The following SEC23B variants were observed in gnomAD, a reference collection of about 807,000 sequenced individuals.
SEC23B encodes the protein SEC23 homolog B, COPII component, also known as protein transport protein Sec23B.
SEC23B carries 77 observed loss-of-function variants against 104.3 expected under a neutral mutation model. The observed-to-expected ratio is 0.74, with a 90% CI of 0.61 to 0.89. The LOEUF (loss-of-function observed/expected upper bound fraction) is 0.89, where lower values mean the gene tolerates loss of function less well. SEC23B is among the 40% of genes least tolerant of loss of function. SEC23B has a pLI of 0.00. For synonymous variants in SEC23B, 338 were observed against 332.5 expected, an observed-to-expected ratio of 1.02 and a Z score of -0.18; for missense variants, 885 against 949.4, an observed-to-expected ratio of 0.93 and a Z score of 0.89.
intron 4 of SEC23B, among the ~76,000 whole-genome samples, chr20:18,519,631 C>T (rs1328399224): frequency 6.6e-6 from 1 of 152,004 alleles, no homozygotes; most frequent in East Asian, 1.9e-4. Context: ...GTTAGGGAGA[C>T]TAGTGTGGGG....
intron 15 of SEC23B, 106 bp from the exon 16 acceptor site, chr20:18,548,503 C>G (rs2060355158): frequency 8.8e-7 from 1 of 1,142,678 alleles, no homozygotes; most frequent in Non-Finnish European, 1.3e-6. Flanking sequence ...CCAGAGAGCC[C>G]TTTTCTGGGT....
intron 4 of SEC23B, among the ~76,000 whole-genome samples, chr20:18,522,658 C>T (rs534084474): frequency 5.5e-4 from 83 of 151,660 alleles, no homozygotes; most frequent in African/African-American, 1.8e-3. Flanking sequence ...CTCACGTGTC[C>T]GTGTGAAGAA....
intron 4 of SEC23B, 83 bp from the exon 5 acceptor site, chr20:18,524,350 A>G: frequency 1.0e-6 from 1 of 978,300 alleles, no homozygotes; most frequent in Non-Finnish European, 1.7e-6. Flanking sequence ...AAGACTTACA[A>G]TTTTCATACC....
intron 18 of SEC23B, 33 bp downstream of exon 18, chr20:18,554,423 G>C (rs1284887128): frequency 1.2e-6 from 2 of 1,613,036 alleles, no homozygotes; most frequent in Admixed American, 3.3e-5. Flanking sequence ...CCAGTGGTTT[G>C]TTCGTTTTAT....
rs2059976789 is a variant in SEC23B at position 18,510,975 on chromosome 20, A to T, written c.140A>T (p.Glu47Val). Residue 47 changes from glutamate (E) to valine (V), a missense_variant, in exon 2 of 20, where the codon GAA becomes GTA. Transcript: ENST00000650089. ...PLACLLTPLK[E>V]RPDLPPVQYE... ...GCTTGTCTCCTTACTCCTTTGAAAGAACGTCCAGACCTACCTCCTGTACAA... is the reference window on the plus strand; with the variant it reads ...GCTTGTCTCCTTACTCCTTTGAAAGTACGTCCAGACCTACCTCCTGTACAA... 2 of 1,614,054 alleles carry T rather than the reference A, an allele frequency of 1.2e-6. No homozygotes were observed. Among genetic ancestry groups the T allele is most frequent in the Non-Finnish European group, 1.7e-6 (2 of 1,180,038 alleles).
intron 17 of SEC23B, 152 bp downstream of exon 17, chr20:18,551,327 T>C: frequency 5.0e-6 from 3 of 604,446 alleles, no homozygotes. Flanking sequence ...TTAATGACAT[T>C]TGTAACCACA....
intron 12 of SEC23B, among the ~76,000 whole-genome samples, chr20:18,538,959 A>G (rs1478669091): frequency 3.3e-5 from 5 of 151,706 alleles, no homozygotes; most frequent in Non-Finnish European, 7.4e-5. Context: ...TAATCCCAGC[A>G]TTTTGGGAGA....
chr20:18,558,162 A>G (rs2122189599), intron 19 of SEC23B, among the ~76,000 whole-genome samples: 1 of 152,278 alleles, frequency 6.6e-6, no homozygotes, highest in South Asian at 2.1e-4. Flanking sequence ...TTCTCTGCAT[A>G]TAGGATTCTG....
chr20:18,530,538 T>G, intron 9 of SEC23B, 142 bp from the exon 10 acceptor site: 1 of 975,114 alleles, frequency 1.0e-6, no homozygotes, highest in Non-Finnish European at 1.4e-6. Context: ...CCTGGCCTGT[T>G]TTTTTATATT....
At chr20:18,550,218 G>A (rs915859255) in intron 16 of SEC23B, among the ~76,000 whole-genome samples, 1 of 149,950 alleles carries the variant, frequency 6.7e-6, no homozygotes, top group African/African-American at 2.5e-5. Flanking sequence ...ACAGTTGTGC[G>A]ATCTTGGCTC....
chr20:18,543,909 C>T (rs1032715826), intron 14 of SEC23B, among the ~76,000 whole-genome samples: 9 of 152,194 alleles, frequency 5.9e-5, no homozygotes, highest in Non-Finnish European at 1.3e-4. Flanking sequence ...TGCAGGGATG[C>T]TGCTTAGCTG....
intron 17 of SEC23B, among the ~76,000 whole-genome samples, chr20:18,553,099 T>G (rs1188289238): frequency 6.6e-6 from 1 of 152,262 alleles, no homozygotes. Flanking sequence ...TTGCAACCCC[T>G]GATCCTGTTC....
intron 10 of SEC23B, among the ~76,000 whole-genome samples, chr20:18,531,828 T>C (rs1453553558): frequency 5.3e-5 from 8 of 151,902 alleles, no homozygotes; most frequent in Admixed American, 5.2e-4. Flanking sequence ...GGTGGGGTGA[T>C]TGCATGAGCT....
chr20:18,520,592 G>A (rs2060073981), intron 4 of SEC23B, among the ~76,000 whole-genome samples: 1 of 152,052 alleles, frequency 6.6e-6, no homozygotes, highest in South Asian at 2.1e-4. Context: ...GGGCAGGTGA[G>A]GATAACTAAA....
chr20:18,540,847 A>C (rs1363116024), intron 12 of SEC23B, among the ~76,000 whole-genome samples: 4 of 152,170 alleles, frequency 2.6e-5, no homozygotes, highest in Non-Finnish European at 4.4e-5. Flanking sequence ...CAGAGCAAGA[A>C]CCTGTCTTAG....
chr20:18,545,536 C>T (rs1455193641), intron 14 of SEC23B, among the ~76,000 whole-genome samples: 2 of 152,136 alleles, frequency 1.3e-5, no homozygotes, highest in East Asian at 1.9e-4. Context: ...GAAGAGAAAA[C>T]ATTGTGGTTC....
rs547660457 is a variant in SEC23B, at chr20:18,557,135, G to C, written c.2214+1962G>C. On this transcript the variant is annotated intron_variant, in intron 19 of 19. Transcript: ENST00000650089. ...ATTAATGATATGTTAGGGCTTAAGT[G>C]TGCCATTTTATTTTTTGTTTTCTGC... Among the ~76,000 whole-genome samples, 5 of 152,270 alleles carry C rather than the reference G, an allele frequency of 3.3e-5. No homozygotes were observed. The East Asian group carries it at 9.6e-4, about 29-fold the overall frequency.
Position 18,552,900 on chromosome 20 carries a change from TA to T in SEC23B, c.1993-1332del, listed in dbSNP as rs1367953062. Among the ~76,000 whole-genome samples, 12 of 152,324 alleles carry T rather than the reference TA, an allele frequency of 7.9e-5. No homozygotes were observed. The East Asian group carries it at 2.3e-3, about 29-fold the overall frequency. On this transcript the variant is annotated intron_variant, in intron 17 of 19. Coordinates refer to ENST00000650089, the MANE Select transcript of SEC23B (RefSeq NM_006363.6). ...TATTATAAGTAATCTAAAGATGATT[TA>T]AAGTGTATGGGAAGATGTACATCGG...
intron 1 of SEC23B, 81 bp from the exon 2 acceptor site, chr20:18,510,741 T>C (rs552687471): frequency 4.2e-5 from 45 of 1,068,214 alleles, no homozygotes; most frequent in Middle Eastern, 5.8e-4. Flanking sequence ...AGAAACACTG[T>C]GTTACATGAC....
Sources: gnomAD v4.1 joint callset for allele counts (sites outside exome capture counted in the v4.1 genomes callset) on GRCh38, gnomAD v4.1.1 for gene constraint, MANE v1.5 for transcripts, NCBI Gene and HGNC (gene_info 2026-07-23, HGNC 2026-07-21) for gene names.